The following ATP2B2 variants were observed in gnomAD, a reference collection of about 807,000 sequenced individuals.
The protein encoded by ATP2B2 is plasma membrane calcium-transporting ATPase 2.
A neutral mutation model predicts 120.0 loss-of-function variants in ATP2B2; 15 were observed. The observed-to-expected ratio is 0.12, with a 90% CI of 0.08 to 0.19. The LOEUF (loss-of-function observed/expected upper bound fraction) is 0.19. Ranked by LOEUF, ATP2B2 falls within the 10% of genes least tolerant of loss-of-function variation. The pLI, the probability that ATP2B2 is intolerant of heterozygous loss-of-function variation, is 1.00. For synonymous variants in ATP2B2, 694 were observed against 700.3 expected (o/e 0.99, Z 0.14); for missense variants, 1,045 against 1,719.8 (o/e 0.61, Z 6.94).
intron 2 of ATP2B2, among the ~76,000 whole-genome samples, chr3:10,418,275 T>C (rs1206453205): frequency 6.6e-6 from 1 of 152,198 alleles, no homozygotes; most frequent in Non-Finnish European, 1.5e-5. Context: ...ACAACTTTTA[T>C]AAGCTACTTA....
At chr3:10,627,873 T>C (rs538785686) in intron 1 of ATP2B2, among the ~76,000 whole-genome samples, 5 of 151,994 alleles carry the variant, frequency 3.3e-5, no homozygotes, top group Non-Finnish European at 7.4e-5. Context: ...TCACCTGAGA[T>C]AGGTTCTGTA....
intron 1 of ATP2B2, among the ~76,000 whole-genome samples, chr3:10,505,247 T>A (rs1210560453): frequency 6.6e-6 from 1 of 151,722 alleles, no homozygotes; most frequent in Non-Finnish European, 1.5e-5. Flanking sequence ...CTCACACTAG[T>A]GTCTCCCTCA....
chr3:10,341,249 G>A (rs1220317898), intron 19 of ATP2B2, among the ~76,000 whole-genome samples: 1 of 152,140 alleles, frequency 6.6e-6, no homozygotes, highest in Non-Finnish European at 1.5e-5. Flanking sequence ...CTGTCACATG[G>A]CAGGGCACTG....
At chr3:10,588,367 AG>A (rs1260654632) in intron 2 of ATP2B2, among the ~76,000 whole-genome samples, 2 of 152,354 alleles carry the variant, frequency 1.3e-5, no homozygotes, top group East Asian at 3.9e-4. Flanking sequence ...GTAAAGGATC[AG>A]TCATACTGTA....
intron 1 of ATP2B2, among the ~76,000 whole-genome samples, chr3:10,484,557 T>C (rs2065557039): frequency 2.0e-5 from 3 of 152,098 alleles, no homozygotes; most frequent in Admixed American, 2.0e-4. Context: ...CCTCACGGCC[T>C]GTCCCCAGGC....
intron 1 of ATP2B2, among the ~76,000 whole-genome samples, chr3:10,686,130 A>G (rs1303420217): frequency 7.2e-6 from 1 of 139,502 alleles, no homozygotes; most frequent in Admixed American, 7.9e-5. Context: ...CATCTGAAGC[A>G]TATAGGGTGG....
At chr3:10,435,262 C>A (rs1187868343) in intron 2 of ATP2B2, among the ~76,000 whole-genome samples, 1 of 152,206 alleles carries the variant, frequency 6.6e-6, no homozygotes, top group Non-Finnish European at 1.5e-5. Flanking sequence ...CGGCTCCCAT[C>A]CTAAATCAGA....
chr3:10,432,806 G>A (rs1559331600), intron 2 of ATP2B2, among the ~76,000 whole-genome samples: 1 of 152,212 alleles, frequency 6.6e-6, no homozygotes, highest in Non-Finnish European at 1.5e-5. Flanking sequence ...GGGACAGAGG[G>A]AACGACAGGG....
Position 10,340,833 on chromosome 3 carries a change from A to G in ATP2B2, c.2918-129T>C. 2.2e-6 allele frequency: 2 copies of G among 919,356 alleles called. No homozygotes were observed. Among genetic ancestry groups the G allele is most frequent in the Admixed American group, 2.0e-5 (1 of 50,176 alleles). 56.9% of individuals were successfully genotyped at this position (919,356 alleles called of 1,614,324 possible). A position where few individuals can be genotyped will look rare whatever the true frequency, so the allele number is the denominator to read the frequency against. ...CCCCAAGACATCAAGGCATGCTTGG[A>G]CAGTGGGGGGCCAGGGCTGTGCTGT... On this transcript the variant is annotated intron_variant, in intron 19 of 22. Transcript: ENST00000360273. The surrounding 1 kb of genome is among the most constrained non-coding windows in gnomAD (Gnocchi z 5.0).
chr3:10,524,839 G>A (rs2125461418), intron 3 of ATP2B2, among the ~76,000 whole-genome samples: 1 of 152,276 alleles, frequency 6.6e-6, no homozygotes, highest in South Asian at 2.1e-4. Context: ...GCTCTTGGCA[G>A]TCTCTAACAC....
chr3:10,394,465 G>A (rs1243545502), intron 5 of ATP2B2: 1 of 471,264 alleles, frequency 2.1e-6, no homozygotes, highest in African/African-American at 2.0e-5. Flanking sequence ...TCACACAGCT[G>A]TGAGTGGTGG....
At chr3:10,595,527 A>C (rs183986576) in intron 2 of ATP2B2, among the ~76,000 whole-genome samples, 335 of 152,334 alleles carry the variant, frequency 2.2e-3, no homozygotes, top group African/African-American at 7.7e-3. Flanking sequence ...CAGATAAGGA[A>C]ACAGAGGCTC....
chr3:10,583,899 G>A (rs1237634511), intron 2 of ATP2B2, among the ~76,000 whole-genome samples: 1 of 152,196 alleles, frequency 6.6e-6, no homozygotes, highest in African/African-American at 2.4e-5. Context: ...AAACAACTCA[G>A]CAAATACTGG....
intron 1 of ATP2B2, among the ~76,000 whole-genome samples, chr3:10,695,978 C>T (rs1014628130): frequency 6.6e-6 from 1 of 152,088 alleles, no homozygotes. Context: ...ACATAAGTTC[C>T]CCACCTCAAT....
intron 1 of ATP2B2, among the ~76,000 whole-genome samples, chr3:10,673,734 G>A (rs1398767141): frequency 6.9e-6 from 1 of 145,604 alleles, no homozygotes; most frequent in East Asian, 2.2e-4. Context: ...TTGAGCCTGG[G>A]AGGGTTAGGC....
At chr3:10,462,146 C>A (rs1237478136) in intron 1 of ATP2B2, among the ~76,000 whole-genome samples, 1 of 152,158 alleles carries the variant, frequency 6.6e-6, no homozygotes, top group Non-Finnish European at 1.5e-5. Context: ...CCGACCTTTC[C>A]ACCACGGCCT....
chr3:10,570,381 G>A (rs528729921), intron 2 of ATP2B2: 6 of 152,316 alleles, frequency 3.9e-5, no homozygotes, highest in African/African-American at 1.4e-4. Flanking sequence ...TGCAGCAGAG[G>A]GAGCTGCCTG....
chr3:10,340,975 C>T lies in ATP2B2; in HGVS notation c.2918-271G>A, dbSNP rs183880652. Among the ~76,000 whole-genome samples, 37 of 152,206 alleles carry T rather than the reference C, an allele frequency of 2.4e-4. 1 individual carries two copies. Among genetic ancestry groups the T allele is most frequent in the Admixed American group, 1.9e-3 (29 of 15,298 alleles). On this transcript the variant is annotated intron_variant, in intron 19 of 22. Coordinates refer to ENST00000360273, the MANE Select transcript of ATP2B2 (RefSeq NM_001001331.4). This position sits in a 1 kb window ranked among gnomAD's most constrained non-coding sequence, Gnocchi z 5.0. The stretch of plus-strand genomic sequence containing the variant: ...TGGAAACCCGATAAAGGTGGACGGC[C>T]GGCTGTGTTAAAGGTGGGCGACATG...
chr3:10,550,178 G>A (rs2067637946), intron 2 of ATP2B2, among the ~76,000 whole-genome samples: 1 of 152,222 alleles, frequency 6.6e-6, no homozygotes, highest in South Asian at 2.1e-4. Flanking sequence ...AAAAGCAAGT[G>A]AAGATCTGAG....
Sources: gnomAD v4.1 joint callset for allele counts (sites outside exome capture counted in the v4.1 genomes callset) on GRCh38, gnomAD v4.1.1 for gene constraint, Gnocchi (gnomAD v3.1) non-coding constraint, MANE v1.5 for transcripts, NCBI Gene and HGNC (gene_info 2026-07-23, HGNC 2026-07-21) for gene names.